SP140: variants seen among roughly 807,000 people sequenced by gnomAD.
The protein encoded by SP140 is SP140 nuclear body protein, also known as nuclear body protein SP140.
A neutral mutation model predicts 125.0 loss-of-function variants in SP140; 81 were observed. The observed-to-expected ratio is 0.65, with a 90% CI of 0.54 to 0.78. The LOEUF (loss-of-function observed/expected upper bound fraction) is 0.78, where lower values mean the gene tolerates loss of function less well. SP140 is among the 30% of genes least tolerant of loss of function. SP140 has a pLI of 0.00. For missense variants in SP140, 858 were observed against 1,037.0 expected (o/e 0.83, Z 2.37); for synonymous variants, 312 against 354.0 (o/e 0.88, Z 1.33).
intron 3 of SP140, chr2:230,215,167 G>A (rs199506036): frequency 1.9e-5 from 27 of 1,432,144 alleles, no homozygotes; most frequent in Non-Finnish European, 2.7e-5. Context: ...AAATTGAATG[G>A]GAAGTTATAC....
At chr2:230,260,545 A>T (rs1362366481) in intron 12 of SP140, among the ~76,000 whole-genome samples, 2 of 152,070 alleles carry the variant, frequency 1.3e-5, no homozygotes, top group African/African-American at 4.8e-5. Context: ...GGTTTTTCTG[A>T]TGTTATCTTC....
upstream of SP140, among the ~76,000 whole-genome samples, chr2:230,224,325 G>T (rs1000078540): frequency 6.6e-6 from 1 of 152,058 alleles, no homozygotes; most frequent in Non-Finnish European, 1.5e-5. Flanking sequence ...TGGAGCAGGC[G>T]GTATAGTCTG....
chr2:230,305,034 A>G (rs573264849), intron 22 of SP140, among the ~76,000 whole-genome samples: 38 of 152,398 alleles, frequency 2.5e-4, no homozygotes, highest in African/African-American at 9.1e-4. Context: ...TCCAGAATCT[A>G]CAAGGAACTC....
intron 3 of SP140, among the ~76,000 whole-genome samples, chr2:230,217,554 G>C (rs1352152453): frequency 6.6e-6 from 1 of 152,186 alleles, no homozygotes; most frequent in African/African-American, 2.4e-5. Flanking sequence ...TGTTCTAAGG[G>C]TTTCATATGC....
At chr2:230,279,871 C>A (rs1442649561) in intron 15 of SP140, among the ~76,000 whole-genome samples, 3 of 109,462 alleles carry the variant, frequency 2.7e-5, no homozygotes, top group Non-Finnish European at 7.3e-5. Flanking sequence ...AATCCTCCTG[C>A]CTCAGACTCC....
chr2:230,191,542 A>C, the SP140 span, among the ~76,000 whole-genome samples: 2 of 152,208 alleles, frequency 1.3e-5, no homozygotes, highest in African/African-American at 4.8e-5. Context: ...GAAGAAATGG[A>C]TAAATTCCTG....
intron 15 of SP140, among the ~76,000 whole-genome samples, chr2:230,278,690 G>A (rs1243407527): frequency 6.6e-6 from 1 of 152,052 alleles, no homozygotes; most frequent in African/African-American, 2.4e-5. Context: ...TGTAAGCCAA[G>A]CGTCTAATTT....
intron 11 of SP140, 54 bp downstream of exon 11, chr2:230,253,471 G>A (rs3769840): frequency 0.26 from 350,927 of 1,374,524 alleles, 46,680 homozygotes; most frequent in Non-Finnish European, 0.27. Flanking sequence ...TTTCCAGTTG[G>A]CATGGGAAAA....
rs760919704 is a variant in SP140, at chr2:230,285,768, C to T, written c.1581C>T (p.Asp527=). ...NSQQNDNSKA[D]GQVVSSEKKA... ...TATCCCCAGATAATAGCAAAGCCGA[C>T]GGCCAGGTGGTCTCCAGTGAAAAGA... is the stretch of plus-strand genomic sequence containing the variant. Residue 527 remains aspartate (D), a synonymous_variant, in exon 17 of 27, where the codon GAC becomes GAT. Coordinates refer to ENST00000392045, the MANE Select transcript of SP140 (RefSeq NM_007237.5). 9.9e-6 allele frequency: 16 copies of T among 1,613,134 alleles called. No individual in the cohort carries two copies. The highest frequency in any genetic ancestry group is 2.7e-5 in the African/African-American group (2 of 74,876).
At chr2:230,225,718 T>A, upstream of SP140, 1 of 776,750 alleles carries the variant, frequency 1.3e-6, no homozygotes, top group South Asian at 1.4e-5. Flanking sequence ...CGTCAGCTAG[T>A]TAGGCAATTT....
At chr2:230,209,860 T>TA in intron 1 of SP140, 2 of 893,584 alleles carry the variant, frequency 2.2e-6, no homozygotes, top group Non-Finnish European at 3.8e-6. Flanking sequence ...CTTGACAAGA[T>TA]ACAGTCAGAA....
At chr2:230,273,495 C>T (rs1575144716) in intron 15 of SP140, among the ~76,000 whole-genome samples, 1 of 152,230 alleles carries the variant, frequency 6.6e-6, no homozygotes, top group Middle Eastern at 3.4e-3. Flanking sequence ...CACACTGTTG[C>T]TGGGAGTGTA....
chr2:230,223,069 G>A (rs376225410), upstream of SP140, among the ~76,000 whole-genome samples: 3 of 148,398 alleles, frequency 2.0e-5, no homozygotes, highest in Non-Finnish European at 3.0e-5. Context: ...ACAGAGTCAC[G>A]GTCTGTCTCC....
intron 11 of SP140, among the ~76,000 whole-genome samples, chr2:230,254,043 G>C (rs576258271): frequency 6.6e-6 from 1 of 152,126 alleles, no homozygotes; most frequent in African/African-American, 2.4e-5. Context: ...AAAGGAGAAA[G>C]TGAAAGACAA....
At chr2:230,232,570 A>C (rs1371340994) in intron 1 of SP140, among the ~76,000 whole-genome samples, 2 of 152,192 alleles carry the variant, frequency 1.3e-5, no homozygotes, top group African/African-American at 4.8e-5. Context: ...TGAAGTTTAG[A>C]CTTTTTTCTT....
chr2:230,238,576 C>G (rs887924196), intron 3 of SP140, 195 bp downstream of exon 3: 1 of 746,980 alleles, frequency 1.3e-6, no homozygotes, highest in African/African-American at 1.8e-5. Flanking sequence ...GAGTGACAGA[C>G]GTTAACCAAG....
the SP140 span, among the ~76,000 whole-genome samples, chr2:230,194,357 TGG>T: frequency 1.3e-5 from 2 of 151,768 alleles, no homozygotes; most frequent in Non-Finnish European, 2.9e-5. Flanking sequence ...CCGAGAACTT[TGG>T]GAGGCTAGGG....
intron 15 of SP140, among the ~76,000 whole-genome samples, chr2:230,277,419 TA>T (rs1483096619): frequency 1.3e-5 from 2 of 152,196 alleles, no homozygotes; most frequent in African/African-American, 4.8e-5. Context: ...ATTGCACACT[TA>T]ATATACCACA....
chr2:230,221,620 G>T, upstream of SP140: 1 of 1,288,042 alleles, frequency 7.8e-7, no homozygotes, highest in Non-Finnish European at 1.1e-6. Flanking sequence ...GCCTCAGCAT[G>T]CAGTAACATA....
Sources: gnomAD v4.1 joint callset for allele counts (sites outside exome capture counted in the v4.1 genomes callset) on GRCh38, gnomAD v4.1.1 for gene constraint, MANE v1.5 for transcripts, NCBI Gene and HGNC (gene_info 2026-07-23, HGNC 2026-07-21) for gene names.